The following GPR107 variants were observed in gnomAD, a reference collection of about 807,000 sequenced individuals.
The protein encoded by GPR107 is G protein-coupled receptor 107.
Under a neutral mutation model 75.5 loss-of-function variants are expected in GPR107, and 31 were observed. The observed-to-expected ratio is 0.41, with a 90% CI of 0.31 to 0.55. The LOEUF (loss-of-function observed/expected upper bound fraction) is 0.55, where lower values mean the gene tolerates loss of function less well. Among genes scored for constraint, GPR107 ranks in the 20% least tolerant of loss-of-function variants. The pLI is 0.26. For missense variants in GPR107, 572 were observed against 665.7 expected (o/e 0.86, Z 1.55); for synonymous variants, 267 against 251.3 (o/e 1.06, Z -0.59).
At position 130,127,462 on chromosome 9, in the gene GPR107, GT is replaced by G. The variant is rs767271031; in HGVS notation, c.1357-18del. 1 of 1,338,924 alleles carries G rather than the reference GT, an allele frequency of 7.5e-7. No homozygotes were observed. The highest frequency in any genetic ancestry group is 2.3e-5 in the East Asian group (1 of 43,594). The allele number at this position is 1,338,924 out of a possible 1,614,324, so 82.9% of individuals were successfully genotyped here. ...AATTTTAATGTTGATCTGATTTCCTGTTTCTTTCCTCCTCATGCAGATTGTG... is the reference window on the plus strand; with the variant it reads ...AATTTTAATGTTGATCTGATTTCCTGTTCTTTCCTCCTCATGCAGATTGTG... On this transcript the variant is annotated intron_variant, in intron 15 of 17. Transcript: ENST00000347136.
chr9:130,119,228 G>C (rs1056813901), intron 14 of GPR107, among the ~76,000 whole-genome samples: 1 of 152,176 alleles, frequency 6.6e-6, no homozygotes, highest in Admixed American at 6.5e-5. Context: ...TCGGCATCCT[G>C]ACTCATCCTA....
chr9:130,110,037 A>G (rs1831256848), intron 14 of GPR107, among the ~76,000 whole-genome samples: 1 of 152,020 alleles, frequency 6.6e-6, no homozygotes, highest in South Asian at 2.1e-4. Flanking sequence ...TCTTTGCTCG[A>G]TCCTGCCCGT....
chr9:130,075,131 C>A (rs1180820258), intron 1 of GPR107, among the ~76,000 whole-genome samples: 1 of 151,844 alleles, frequency 6.6e-6, no homozygotes, highest in Non-Finnish European at 1.5e-5. Flanking sequence ...TTGTCTTCAG[C>A]TTTTGGAGAA....
At position 130,078,956 on chromosome 9, in the gene GPR107, C is replaced by T. The variant is rs1185316016; in HGVS notation, c.387-674C>T. 3.9e-5 allele frequency among the ~76,000 whole-genome samples: 6 copies of T among 152,252 alleles called. No individual in the cohort carries two copies. The East Asian group carries it at 1.2e-3, about 29-fold the overall frequency. ...TGCCCTCTCGTGCTTCCCTGGATTT[C>T]ACTTGCTTTCTTTATTTTTTGAGAC... is the stretch of plus-strand genomic sequence containing the variant. On this transcript the variant is annotated intron_variant, in intron 4 of 17. Transcript: ENST00000347136.
chr9:130,113,575 A>T (rs1465043644), intron 14 of GPR107, among the ~76,000 whole-genome samples: 5 of 152,184 alleles, frequency 3.3e-5, no homozygotes, highest in Non-Finnish European at 7.3e-5. Flanking sequence ...CAGAGGTGAT[A>T]CTAACAATGT....
intron 14 of GPR107, among the ~76,000 whole-genome samples, chr9:130,122,115 T>C (rs1831562639): frequency 1.3e-5 from 2 of 152,084 alleles, no homozygotes; most frequent in South Asian, 4.1e-4. Flanking sequence ...ATGGTCTCGA[T>C]CTCCTGACCC....
At chr9:130,080,389 A>C (rs1209913183) in intron 5 of GPR107, among the ~76,000 whole-genome samples, 3 of 152,246 alleles carry the variant, frequency 2.0e-5, no homozygotes, top group Non-Finnish European at 4.4e-5. Flanking sequence ...AATAGTGGGC[A>C]CATTATCATG....
intron 9 of GPR107, among the ~76,000 whole-genome samples, chr9:130,098,068 A>G (rs538445375): frequency 9.2e-5 from 14 of 152,016 alleles, no homozygotes; most frequent in Admixed American, 3.9e-4. Flanking sequence ...TTTTTGGTAG[A>G]GATGGAGTTT....
At chr9:130,081,692 C>A (rs1461328951) in intron 5 of GPR107, among the ~76,000 whole-genome samples, 50 of 146,912 alleles carry the variant, frequency 3.4e-4, no homozygotes, top group Admixed American at 6.1e-4. Flanking sequence ...AAACAAAAAA[C>A]AAAAAACACA....
chr9:130,065,766 CAAAA>C (rs34927308), intron 1 of GPR107, among the ~76,000 whole-genome samples: 33 of 61,034 alleles, frequency 5.4e-4, no homozygotes, highest in African/African-American at 1.5e-3. Context: ...GACCCTGTCT[CAAAA>C]AAAAAAAAAA....
chr9:130,097,158 T>TC (rs964604072), intron 9 of GPR107, among the ~76,000 whole-genome samples: 8 of 145,220 alleles, frequency 5.5e-5, no homozygotes, highest in Admixed American at 2.1e-4. Context: ...TTTTTTTCTT[T>TC]TTTTTTTTTT....
intron 14 of GPR107, among the ~76,000 whole-genome samples, chr9:130,119,735 G>A (rs75345506): frequency 0.022 from 3,342 of 152,146 alleles, 53 homozygotes; most frequent in Middle Eastern, 0.034. Context: ...CCTCACCCCC[G>A]CCAACTGCTG....
chr9:130,103,469 A>G lies in GPR107; in HGVS notation c.1132-951A>G, dbSNP rs1430599163. Among the ~76,000 whole-genome samples, 3 of 152,124 alleles carry G rather than the reference A, an allele frequency of 2.0e-5. No homozygotes were observed. Among genetic ancestry groups the G allele is most frequent in the Non-Finnish European group, 4.4e-5 (3 of 68,030 alleles). On this transcript the variant is annotated intron_variant, in intron 12 of 17. Coordinates refer to ENST00000347136, the MANE Select transcript of GPR107 (RefSeq NM_020960.5). This position sits in a 1 kb window ranked among gnomAD's most constrained non-coding sequence, Gnocchi z 4.3. Reference sequence around the variant, plus strand: ...CAAAAGGATGTATTATAAGTGGTAAATTTCCCTTATGCTCTGTGGCATCTC... The same window carrying G: ...CAAAAGGATGTATTATAAGTGGTAAGTTTCCCTTATGCTCTGTGGCATCTC...
Position 130,122,133 on chromosome 9 carries a change from C to T in GPR107, c.1307-2782C>T, listed in dbSNP as rs188657428. On this transcript the variant is annotated intron_variant, in intron 14 of 17. Transcript: ENST00000347136. ...GTCTCGATCTCCTGACCCCGTGATC[C>T]ACCCGCCTCAGCCTCCCAAAGTGCT... Among the ~76,000 whole-genome samples the T allele has an allele frequency of 7.7e-4, 117 of 152,248 alleles. 1 individual carries two copies. In the East Asian group the frequency reaches 8.5e-3, roughly 11 times the overall value.
At chr9:130,066,413 C>T (rs62583867) in intron 1 of GPR107, among the ~76,000 whole-genome samples, 2 of 118,746 alleles carry the variant, frequency 1.7e-5, no homozygotes, top group Non-Finnish European at 3.7e-5. Context: ...ATGATGACGA[C>T]GATGATGATG....
At chr9:130,071,043 T>C (rs1295234621) in intron 1 of GPR107, among the ~76,000 whole-genome samples, 1 of 143,360 alleles carries the variant, frequency 7.0e-6, no homozygotes, top group Admixed American at 7.1e-5. Flanking sequence ...TTCTTTTTTT[T>C]TTTTTTTTTT....
intron 16 of GPR107, 107 bp from the exon 17 acceptor site, chr9:130,128,533 A>G (rs993574886): frequency 3.2e-6 from 3 of 928,358 alleles, no homozygotes; most frequent in East Asian, 2.4e-5. Context: ...GTAAAGAACC[A>G]TCGAGTGGTG....
At chr9:130,099,689 T>C (rs941400366) in intron 10 of GPR107, among the ~76,000 whole-genome samples, 157 bp downstream of exon 10, 1 of 152,146 alleles carries the variant, frequency 6.6e-6, no homozygotes, top group Non-Finnish European at 1.5e-5. Context: ...GGCCTGGCCA[T>C]GCGGGTAAAT....
At chr9:130,115,680 G>A (rs147285959) in intron 14 of GPR107, among the ~76,000 whole-genome samples, 6,064 of 27,696 alleles carry the variant, frequency 0.22, 416 homozygotes, top group African/African-American at 0.35. Flanking sequence ...CAGGAGAATG[G>A]TGTGAAACCG....
Sources: gnomAD v4.1 joint callset for allele counts (sites outside exome capture counted in the v4.1 genomes callset) on GRCh38, gnomAD v4.1.1 for gene constraint, Gnocchi (gnomAD v3.1) non-coding constraint, MANE v1.5 for transcripts, NCBI Gene and HGNC (gene_info 2026-07-23, HGNC 2026-07-21) for gene names.